The following ASZ1 variants were observed in gnomAD, a reference collection of about 807,000 sequenced individuals.
ASZ1 encodes ankyrin repeat, SAM and basic leucine zipper domain-containing protein 1.
A neutral mutation model predicts 61.8 loss-of-function variants in ASZ1; 67 were observed. That is an observed-to-expected ratio of 1.08 (90% CI 0.89 to 1.33). The LOEUF (loss-of-function observed/expected upper bound fraction) is 1.33. Ranked by LOEUF, ASZ1 falls within the 40% of genes most tolerant of loss-of-function variation. The pLI is 0.00. For missense variants in ASZ1, 577 were observed against 554.5 expected (o/e 1.04, Z -0.41); for synonymous variants, 193 against 192.7 (o/e 1.00, Z -0.01).
chr7:117,424,694 T>C (rs1269532539), intron 2 of ASZ1, among the ~76,000 whole-genome samples: 1 of 152,224 alleles, frequency 6.6e-6, no homozygotes, highest in Non-Finnish European at 1.5e-5. Context: ...CAAATTTTCT[T>C]TTCTAAAACA....
At chr7:117,401,530 T>G (rs1360571332) in intron 4 of ASZ1, among the ~76,000 whole-genome samples, 1 of 152,060 alleles carries the variant, frequency 6.6e-6, no homozygotes, top group African/African-American at 2.4e-5. Context: ...GGCACTATGT[T>G]TAAGGGGTTG....
intron 2 of ASZ1, among the ~76,000 whole-genome samples, chr7:117,422,999 C>T (rs754171296): frequency 3.3e-5 from 5 of 151,980 alleles, no homozygotes; most frequent in African/African-American, 7.2e-5. Flanking sequence ...GAAGTTTATA[C>T]GACAATCAGA....
intron 4 of ASZ1, among the ~76,000 whole-genome samples, chr7:117,388,517 T>C (rs1446970936): frequency 6.6e-6 from 1 of 152,058 alleles, no homozygotes; most frequent in African/African-American, 2.4e-5. Context: ...ATCAATATAA[T>C]GTACCATATT....
rs750825749 is a variant in ASZ1 at position 117,426,917 on chromosome 7, G to C, written c.124C>G (p.Pro42Ala). Residue 42 changes from proline to alanine, a missense_variant, in exon 2 of 13, where the codon CCC becomes GCC. Transcript: ENST00000284629. ...RTSQKLKRLL[P>A]IEEKKEKFKK... ...AATTTTTCTTTCTTTTCTTCAATGG[G>C]TAATAGCCTTTTCAATTTCTAGAAA... 4.4e-6 allele frequency: 7 copies of C among 1,595,792 alleles called. No homozygotes were observed. The Admixed American group carries it at 1.3e-4, about 29-fold the overall frequency.
At chr7:117,408,500 T>C (rs1172333377) in intron 4 of ASZ1, among the ~76,000 whole-genome samples, 2 of 152,130 alleles carry the variant, frequency 1.3e-5, no homozygotes, top group African/African-American at 4.8e-5. Context: ...TATTTTATAG[T>C]GCAAAAATTG....
intron 3 of ASZ1, among the ~76,000 whole-genome samples, chr7:117,421,118 A>G (rs187240672): frequency 8.5e-5 from 13 of 152,356 alleles, no homozygotes; most frequent in African/African-American, 3.1e-4. Flanking sequence ...TCTGATTACA[A>G]GGAGGGGGAA....
rs1215440930 is a variant in ASZ1, at chr7:117,381,979, T to C, written c.888+90A>G. The C allele has an allele frequency of 7.0e-5, 57 of 813,148 alleles. 1 individual carries two copies. The highest frequency in any genetic ancestry group is 2.6e-5 in the Non-Finnish European group (13 of 496,338). 50.4% of individuals were successfully genotyped at this position (813,148 alleles called of 1,614,324 possible). On this transcript the variant is annotated intron_variant, in intron 8 of 12. Transcript: ENST00000284629. Reference sequence around the variant, plus strand: ...TGAAAAGTAAATTGGCAGTTATTCATAGACATGTTTATGAATTAATATCTA... The same window carrying C: ...TGAAAAGTAAATTGGCAGTTATTCACAGACATGTTTATGAATTAATATCTA...
At chr7:117,364,653 A>G (rs2116438515) in intron 12 of ASZ1, among the ~76,000 whole-genome samples, 1 of 152,290 alleles carries the variant, frequency 6.6e-6, no homozygotes, top group Admixed American at 6.5e-5. Flanking sequence ...AGCAGGAATA[A>G]TGACTTCCAA....
chr7:117,364,352 C>T (rs922915191), intron 12 of ASZ1, among the ~76,000 whole-genome samples: 2 of 151,630 alleles, frequency 1.3e-5, no homozygotes, highest in East Asian at 1.9e-4. Flanking sequence ...TTCTCCCCTA[C>T]CTACTGTGTG....
intron 4 of ASZ1, among the ~76,000 whole-genome samples, chr7:117,407,092 A>C (rs976317480): frequency 7.9e-5 from 12 of 152,136 alleles, no homozygotes; most frequent in Non-Finnish European, 1.3e-4. Flanking sequence ...AGGCAGGTAG[A>C]CTAAACAATG....
intron 10 of ASZ1, among the ~76,000 whole-genome samples, chr7:117,373,989 G>A (rs1453890710): frequency 6.6e-6 from 1 of 152,032 alleles, no homozygotes; most frequent in Non-Finnish European, 1.5e-5. Context: ...CCTTCACAAT[G>A]CATTTAAATA....
At chr7:117,417,629 T>G (rs990018931) in intron 4 of ASZ1, among the ~76,000 whole-genome samples, 7 of 152,302 alleles carry the variant, frequency 4.6e-5, no homozygotes, top group Non-Finnish European at 1.0e-4. Flanking sequence ...GCTATCCTTC[T>G]TATAAAATTT....
At chr7:117,379,313 A>C (rs1403200961) in intron 10 of ASZ1, among the ~76,000 whole-genome samples, 1 of 151,354 alleles carries the variant, frequency 6.6e-6, no homozygotes, top group Non-Finnish European at 1.5e-5. Flanking sequence ...AAAACTAGGT[A>C]CAGAATGCAT....
At chr7:117,376,026 A>G (rs760409940) in intron 10 of ASZ1, among the ~76,000 whole-genome samples, 3 of 152,074 alleles carry the variant, frequency 2.0e-5, no homozygotes, top group Non-Finnish European at 4.4e-5. Flanking sequence ...GAAACAAAAG[A>G]GCAGGTTCTT....
At chr7:117,426,503 A>AG (rs998724662) in intron 2 of ASZ1, among the ~76,000 whole-genome samples, 4 of 150,358 alleles carry the variant, frequency 2.7e-5, no homozygotes, top group East Asian at 1.9e-4. Context: ...AAAAAAAAAA[A>AG]AAAAAAAGAA....
chr7:117,412,327 T>C (rs1796912423), intron 4 of ASZ1, among the ~76,000 whole-genome samples: 1 of 151,902 alleles, frequency 6.6e-6, no homozygotes, highest in African/African-American at 2.4e-5. Context: ...TTTCTAGTAA[T>C]GTTTTCTAAG....
chr7:117,423,687 TACA>T (rs1479622083), intron 2 of ASZ1, among the ~76,000 whole-genome samples: 983 of 37,232 alleles, frequency 0.026, 14 homozygotes, highest in African/African-American at 0.076. Flanking sequence ...CTACTAAAAA[TACA>T]AAAAAAAAAA....
chr7:117,381,267 G>C (rs1337090215), intron 8 of ASZ1, among the ~76,000 whole-genome samples, 200 bp from the exon 9 acceptor site: 1 of 151,942 alleles, frequency 6.6e-6, no homozygotes, highest in African/African-American at 2.4e-5. Flanking sequence ...CACCTAAAAA[G>C]TATAAATATA....
chr7:117,411,011 A>T (rs569565541), intron 4 of ASZ1, among the ~76,000 whole-genome samples: 1 of 151,860 alleles, frequency 6.6e-6, no homozygotes, highest in South Asian at 2.1e-4. Flanking sequence ...ATGTAGAAAT[A>T]GTAATTTCCT....
Sources: gnomAD v4.1 joint callset for allele counts (sites outside exome capture counted in the v4.1 genomes callset) on GRCh38, gnomAD v4.1.1 for gene constraint, MANE v1.5 for transcripts, NCBI Gene and HGNC (gene_info 2026-07-23, HGNC 2026-07-21) for gene names.